ATP11A: variants seen among roughly 807,000 people sequenced by gnomAD.
The protein encoded by ATP11A is ATPase phospholipid transporting 11A.
Under a neutral mutation model 154.4 loss-of-function variants are expected in ATP11A, and 81 were observed. That is an observed-to-expected ratio of 0.52 (90% CI 0.44 to 0.63). The LOEUF is 0.63. Ranked by LOEUF, ATP11A falls within the 30% of genes least tolerant of loss-of-function variation. ATP11A has a pLI of 0.00. For synonymous variants in ATP11A, 623 were observed against 585.9 expected, an observed-to-expected ratio of 1.06 and a Z score of -0.91; for missense variants, 1,316 against 1,474.3, an observed-to-expected ratio of 0.89 and a Z score of 1.76.
intron 1 of ATP11A, among the ~76,000 whole-genome samples, chr13:112,784,654 C>G (rs1217317144): frequency 6.6e-6 from 1 of 151,854 alleles, no homozygotes; most frequent in African/African-American, 2.4e-5. Context: ...TCCTGAGTAG[C>G]TGGGACTACA....
At position 112,862,086 on chromosome 13, in the gene ATP11A, G is replaced by A. The variant is rs139987071; in HGVS notation, c.2856-354G>A. On this transcript the variant is annotated intron_variant, in intron 24 of 29. Transcript: ENST00000375645. ...CATCACGTCAGGCGTAAGGCGTCAC[G>A]TCAGGCGTAAGGTGTCACAAGCTCG... 2.2e-4 allele frequency among the ~76,000 whole-genome samples: 33 copies of A among 147,692 alleles called. No individual in the cohort carries two copies. The East Asian group carries it at 3.8e-3, about 17-fold the overall frequency.
chr13:112,768,627 C>T (rs778381103), intron 1 of ATP11A, among the ~76,000 whole-genome samples: 5 of 152,290 alleles, frequency 3.3e-5, no homozygotes, highest in South Asian at 4.2e-4. Flanking sequence ...ATATAATTTC[C>T]GTTGCTTAAA....
At position 112,810,689 on chromosome 13, in the gene ATP11A, A is replaced by T. The variant is rs761018565; in HGVS notation, c.404A>T (p.His135Leu). 76 of 1,614,078 alleles carry T rather than the reference A, an allele frequency of 4.7e-5. No homozygotes were observed. The highest frequency in any genetic ancestry group is 4.4e-5 in the Non-Finnish European group (52 of 1,180,036). ...CAGTGTCCTGTTCATTTCATTCAGC[A>T]CGGCAAGCTCGTTCGGAAACAAAGT... ...MNQCPVHFIQ[H>L]GKLVRKQSRK... The change falls in exon 5 of 30, where the codon CAC becomes CTC. Residue 135 changes from histidine to leucine, a missense_variant. Physicochemically the swap from His to Leu is moderately conservative, Grantham distance 99. This residue lies in a region of ATP11A where 876 missense variants were observed against 1,006.8 expected (regional missense o/e 0.87). Transcript: ENST00000375645.
At chr13:112,729,430 A>G (rs1344470655) in intron 1 of ATP11A, among the ~76,000 whole-genome samples, 1 of 151,140 alleles carries the variant, frequency 6.6e-6, no homozygotes, top group South Asian at 2.1e-4. Context: ...GTCAGAAGGC[A>G]CTGAGGCAGC....
At chr13:112,699,364 A>G (rs1886244196) in intron 1 of ATP11A, among the ~76,000 whole-genome samples, 1 of 152,198 alleles carries the variant, frequency 6.6e-6, no homozygotes, top group African/African-American at 2.4e-5. Context: ...TGTGGCTTTC[A>G]GAACCAGATC....
rs966733712 is a variant in ATP11A, at chr13:112,712,287, C to T, written c.39+21832C>T. Among the ~76,000 whole-genome samples the T allele has an allele frequency of 7.2e-5, 11 of 152,290 alleles. No individual in the cohort carries two copies. The East Asian group carries it at 1.4e-3, about 19-fold the overall frequency. On this transcript the variant is annotated intron_variant, in intron 1 of 29. Transcript: ENST00000375645. The stretch of plus-strand genomic sequence containing the variant: ...AGCAGCTTAATTATGCACCCAGCCC[C>T]GCATACAAAACGCTCCCTCCATGGT...
At chr13:112,828,267 C>A (rs1313742652) in intron 12 of ATP11A, among the ~76,000 whole-genome samples, 1 of 132,326 alleles carries the variant, frequency 7.6e-6, no homozygotes, top group Admixed American at 8.4e-5. Flanking sequence ...GAGGAAAGCA[C>A]CCAGCAGTGT....
At chr13:112,717,149 GGCACTTGTTCAA>G (rs1459725719) in intron 1 of ATP11A, among the ~76,000 whole-genome samples, 1 of 152,204 alleles carries the variant, frequency 6.6e-6, no homozygotes, top group African/African-American at 2.4e-5. Context: ...CCTTGAGGAC[GGCACTTGTTCAA>G]GTGTAAAGAA....
intron 1 of ATP11A, among the ~76,000 whole-genome samples, chr13:112,712,841 A>G (rs1401094195): frequency 6.6e-6 from 1 of 152,208 alleles, no homozygotes; most frequent in Non-Finnish European, 1.5e-5. Context: ...AGTGCAGGCC[A>G]GGGGAGGTTG....
intron 28 of ATP11A, 52 bp from the exon 29 acceptor site, chr13:112,878,165 C>T: frequency 3.2e-6 from 5 of 1,544,976 alleles, no homozygotes; most frequent in Non-Finnish European, 4.5e-6. Flanking sequence ...CCTAAATCCT[C>T]ACACCTTGTT....
At chr13:112,691,064 C>T (rs932698393) in intron 1 of ATP11A, among the ~76,000 whole-genome samples, 1 of 152,160 alleles carries the variant, frequency 6.6e-6, no homozygotes, top group Non-Finnish European at 1.5e-5. Context: ...TTTGCCCCTT[C>T]AGTGATAAGC....
intron 3 of ATP11A, among the ~76,000 whole-genome samples, chr13:112,805,672 CAAAA>C (rs1220102979): frequency 2.4e-5 from 2 of 83,066 alleles, no homozygotes; most frequent in Admixed American, 2.6e-4. Flanking sequence ...GAGACTGTCT[CAAAA>C]AAAAAAAAAA....
At position 112,859,306 on chromosome 13, in the gene ATP11A, C is replaced by T; in HGVS notation, c.2668-87C>T. On this transcript the variant is annotated intron_variant, in intron 22 of 29. Coordinates refer to ENST00000375645, the MANE Select transcript of ATP11A (RefSeq NM_015205.3). This position sits in a 1 kb window ranked among gnomAD's most constrained non-coding sequence, Gnocchi z 4.3. ...CACGCTGGGTGCACGTGGATCCCTC[C>T]TCCCATGTGGGGTGGGCCACGTCGG... is the stretch of plus-strand genomic sequence containing the variant. 1 of 1,055,432 alleles carries T rather than the reference C, an allele frequency of 9.5e-7. No homozygotes were observed. The highest frequency in any genetic ancestry group is 1.3e-5 in the South Asian group (1 of 79,546). The allele number at this position is 1,055,432 out of a possible 1,614,324, so 65.4% of individuals were successfully genotyped here.
At position 112,754,306 on chromosome 13, in the gene ATP11A, T is replaced by G. The variant is rs2076764898; in HGVS notation, c.40-30829T>G. 6.6e-6 allele frequency among the ~76,000 whole-genome samples: 1 copy of G among 152,154 alleles called. No homozygotes were observed. The highest frequency in any genetic ancestry group is 1.5e-5 in the Non-Finnish European group (1 of 68,026). On this transcript the variant is annotated intron_variant, in intron 1 of 29. Transcript: ENST00000375645. This position sits in a 1 kb window ranked among gnomAD's most constrained non-coding sequence, Gnocchi z 5.3. ...TTAGTGCCTCGGCTGATTCTTGGTCTTTGGAGACCTGGTCCCCAGTCCCAC... is the reference window on the plus strand; with the variant it reads ...TTAGTGCCTCGGCTGATTCTTGGTCGTTGGAGACCTGGTCCCCAGTCCCAC...
intron 20 of ATP11A, among the ~76,000 whole-genome samples, chr13:112,857,096 T>A (rs922840782): frequency 2.6e-4 from 40 of 152,252 alleles, no homozygotes; most frequent in Non-Finnish European, 3.1e-4. Context: ...CCATAGTACT[T>A]TTTTAAGTTC....
At chr13:112,819,212 C>G in intron 6 of ATP11A, 92 bp from the exon 7 acceptor site, 2 of 1,016,416 alleles carry the variant, frequency 2.0e-6, no homozygotes, top group South Asian at 2.6e-5. Flanking sequence ...ATAGGGTCAG[C>G]CAGGCTTTGT....
At chr13:112,798,587 A>C (rs2078057825) in intron 2 of ATP11A, among the ~76,000 whole-genome samples, 1 of 152,210 alleles carries the variant, frequency 6.6e-6, no homozygotes. Context: ...TCTGCGCCAC[A>C]CACACAGTGC....
intron 19 of ATP11A, 73 bp downstream of exon 19, chr13:112,854,603 C>A: frequency 6.6e-7 from 1 of 1,515,210 alleles, no homozygotes; most frequent in Non-Finnish European, 8.8e-7. Flanking sequence ...CCTTCACCTG[C>A]AAGTCGGGGA....
intron 25 of ATP11A, among the ~76,000 whole-genome samples, chr13:112,869,529 C>A (rs7318323): frequency 0.4 from 60,586 of 152,110 alleles, 12,275 homozygotes; most frequent in Middle Eastern, 0.46. Context: ...CACACTGCTT[C>A]ACAGGGCACC....
Sources: gnomAD v4.1 joint callset for allele counts (sites outside exome capture counted in the v4.1 genomes callset) on GRCh38, gnomAD v4.1.1 for gene constraint, gnomAD v4.1.1 regional missense constraint, Gnocchi (gnomAD v3.1) non-coding constraint, MANE v1.5 for transcripts, NCBI Gene and HGNC (gene_info 2026-07-23, HGNC 2026-07-21) for gene names.